ARL15: variants seen among roughly 807,000 people sequenced by gnomAD.
ARL15 encodes the protein ADP-ribosylation factor-like protein 15.
ARL15 carries 19 observed loss-of-function variants against 25.2 expected under a neutral mutation model. The observed-to-expected ratio is 0.75, with a 90% confidence interval of 0.53 to 1.10. The LOEUF is 1.10. Ranked by LOEUF, ARL15 falls within the 50% of genes least tolerant of loss-of-function variation. The pLI, the probability that ARL15 is intolerant of heterozygous loss-of-function variation, is 0.00. For synonymous variants in ARL15, 94 were observed against 86.8 expected (o/e 1.08, Z -0.46); for missense variants, 220 against 246.0 (o/e 0.89, Z 0.71).
At position 54,025,596 on chromosome 5, in the gene ARL15, A is replaced by T. The variant is rs369337350; in HGVS notation, c.462+87606T>A. ...CAATACCAAGTGATAAGGGATAATC[A>T]CTGCTTTTCTTTCCTCAGTTTAGTG... is the stretch of plus-strand genomic sequence containing the variant. On this transcript the variant is annotated intron_variant, in intron 4 of 4. Coordinates refer to ENST00000504924, the MANE Select transcript of ARL15 (RefSeq NM_019087.3). 2.0e-4 allele frequency among the ~76,000 whole-genome samples: 31 copies of T among 152,304 alleles called. No homozygotes were observed. The East Asian group carries it at 5.4e-3, about 27-fold the overall frequency.
At chr5:53,897,437 G>T (rs547607330) in intron 4 of ARL15, among the ~76,000 whole-genome samples, 2 of 152,064 alleles carry the variant, frequency 1.3e-5, no homozygotes, top group Non-Finnish European at 2.9e-5. Context: ...CCCTTTTTAC[G>T]GCTGAATAAT....
At position 54,250,032 on chromosome 5, in the gene ARL15, A is replaced by G. The variant is rs111492214; in HGVS notation, c.48+60400T>C. 7.2e-3 allele frequency among the ~76,000 whole-genome samples: 1,093 copies of G among 152,290 alleles called. 11 individuals carry two copies. Among genetic ancestry groups the G allele is most frequent in the African/African-American group, 0.024 (1,017 of 41,566 alleles). On this transcript the variant is annotated intron_variant, in intron 1 of 4. Transcript: ENST00000504924. ...AAGAAAAGAGGTTTAATTGGCTCACAGTTCTGCAGGCTGTACAGGAAGCAT... is the reference window on the plus strand; with the variant it reads ...AAGAAAAGAGGTTTAATTGGCTCACGGTTCTGCAGGCTGTACAGGAAGCAT...
chr5:54,115,482 T>C (rs953307134), intron 3 of ARL15, among the ~76,000 whole-genome samples: 1 of 152,058 alleles, frequency 6.6e-6, no homozygotes, highest in Non-Finnish European at 1.5e-5. Flanking sequence ...ATAATATCAG[T>C]AGCCAAACAG....
intron 1 of ARL15, among the ~76,000 whole-genome samples, chr5:54,239,202 T>C (rs529401334): frequency 1.0e-3 from 152 of 150,334 alleles, no homozygotes; most frequent in African/African-American, 3.2e-3. Flanking sequence ...CTTTGGGCAA[T>C]GGCAAGGGAA....
chr5:53,984,599 A>T (rs559118158), intron 4 of ARL15, among the ~76,000 whole-genome samples: 2 of 152,262 alleles, frequency 1.3e-5, no homozygotes, highest in African/African-American at 4.8e-5. Context: ...CATCAACAAT[A>T]ACCACCTCCA....
At chr5:54,020,794 A>G (rs1681694024) in intron 4 of ARL15, among the ~76,000 whole-genome samples, 1 of 151,376 alleles carries the variant, frequency 6.6e-6, no homozygotes, top group Non-Finnish European at 1.5e-5. Flanking sequence ...TAAAAATTAA[A>G]AGAAAAAAAA....
intron 1 of ARL15, among the ~76,000 whole-genome samples, chr5:54,195,714 A>AAT (rs894698773): frequency 4.2e-4 from 64 of 152,192 alleles, no homozygotes; most frequent in Admixed American, 5.9e-4. Context: ...TGCATATACT[A>AAT]ATATATATAT....
At chr5:53,922,757 G>A (rs2063138818) in intron 4 of ARL15, among the ~76,000 whole-genome samples, 1 of 152,210 alleles carries the variant, frequency 6.6e-6, no homozygotes, top group South Asian at 2.1e-4. Flanking sequence ...GTGAACAACA[G>A]CTCCATAGGA....
At chr5:54,262,559 A>G (rs1353841670) in intron 1 of ARL15, among the ~76,000 whole-genome samples, 1 of 152,046 alleles carries the variant, frequency 6.6e-6, no homozygotes, top group Non-Finnish European at 1.5e-5. Context: ...TCTACTTCAT[A>G]TTTTATGTCT....
intron 1 of ARL15, among the ~76,000 whole-genome samples, chr5:54,226,959 T>TC (rs1756537499): frequency 6.6e-6 from 1 of 152,120 alleles, no homozygotes; most frequent in Non-Finnish European, 1.5e-5. Flanking sequence ...ATAAGGGATT[T>TC]CCCCTTTCAC....
intron 1 of ARL15, among the ~76,000 whole-genome samples, chr5:54,248,364 A>T (rs770908921): frequency 2.6e-5 from 4 of 151,974 alleles, no homozygotes; most frequent in Admixed American, 6.6e-5. Context: ...TCTTTCTCGG[A>T]CTCACTCTCC....
At chr5:54,141,906 C>A (rs190334834) in intron 3 of ARL15, among the ~76,000 whole-genome samples, 3 of 152,246 alleles carry the variant, frequency 2.0e-5, no homozygotes, top group Admixed American at 2.0e-4. Context: ...ATAGTTCATT[C>A]ACTTTGATTA....
intron 1 of ARL15, among the ~76,000 whole-genome samples, chr5:54,179,498 G>C (rs1470779776): frequency 4.3e-4 from 65 of 152,096 alleles, no homozygotes; most frequent in Admixed American, 4.3e-3. Flanking sequence ...TCTCATTCCA[G>C]GCAAAAGGGA....
intron 4 of ARL15, among the ~76,000 whole-genome samples, chr5:53,936,533 T>A (rs1172006931): frequency 6.6e-6 from 1 of 152,212 alleles, no homozygotes; most frequent in Admixed American, 6.5e-5. Flanking sequence ...TGCCACTTGC[T>A]ATTGGTATGC....
At chr5:53,903,715 T>C (rs577082392) in intron 4 of ARL15, among the ~76,000 whole-genome samples, 4 of 152,110 alleles carry the variant, frequency 2.6e-5, no homozygotes, top group Admixed American at 6.5e-5. Context: ...GCATCACAGG[T>C]CAACAGCTCC....
chr5:54,022,886 T>G (rs905370588), intron 4 of ARL15, among the ~76,000 whole-genome samples: 1 of 152,240 alleles, frequency 6.6e-6, no homozygotes, highest in Non-Finnish European at 1.5e-5. Flanking sequence ...TCTTGAGAGA[T>G]ATCATGTTTG....
chr5:54,076,441 G>GA (rs974703023), intron 4 of ARL15, among the ~76,000 whole-genome samples: 24 of 143,118 alleles, frequency 1.7e-4, no homozygotes, highest in East Asian at 2.0e-4. Context: ...AAAAGAAAAA[G>GA]AAAAAAAAAG....
Position 54,254,772 on chromosome 5 carries a change from G to A in ARL15, c.48+55660C>T, listed in dbSNP as rs571723876. Among the ~76,000 whole-genome samples, 7 of 152,332 alleles carry A rather than the reference G, an allele frequency of 4.6e-5. No individual in the cohort carries two copies. In the South Asian group the frequency reaches 1.5e-3, roughly 32 times the overall value. On this transcript the variant is annotated intron_variant, in intron 1 of 4. Coordinates refer to ENST00000504924, the MANE Select transcript of ARL15 (RefSeq NM_019087.3). The stretch of plus-strand genomic sequence containing the variant: ...TCCTCATCCAGAAAAAATCAACAGG[G>A]GAGAGGGGCAGGGGATAAATGTTAT...
chr5:54,291,356 T>C (rs2112690124), intron 1 of ARL15, among the ~76,000 whole-genome samples: 1 of 152,328 alleles, frequency 6.6e-6, no homozygotes, highest in Non-Finnish European at 1.5e-5. Context: ...TGCTGTAATA[T>C]TTGCATGTAA....
Sources: allele counts gnomAD v4.1 joint callset (sites outside exome capture counted in the v4.1 genomes callset), GRCh38; gene constraint gnomAD v4.1.1; transcripts MANE v1.5; gene names NCBI Gene and HGNC (gene_info 2026-07-23, HGNC 2026-07-21).